Variants in RBBP8 observed in about 807,000 individuals in gnomAD.
RBBP8 encodes RB binding protein 8, endonuclease.
In RBBP8, 88 loss-of-function variants were observed where a neutral mutation model predicts 108.3. The ratio of observed to expected loss-of-function variants is 0.81; its 90% CI spans 0.68 to 0.97. The LOEUF (loss-of-function observed/expected upper bound fraction) is 0.97, where lower values mean the gene tolerates loss of function less well. Ranked by LOEUF, RBBP8 falls within the 50% of genes least tolerant of loss-of-function variation. RBBP8 has a pLI of 0.00. For missense variants in RBBP8, 1,023 were observed against 1,049.0 expected, an observed-to-expected ratio of 0.98 and a Z score of 0.34; for synonymous variants, 332 against 348.2, an observed-to-expected ratio of 0.95 and a Z score of 0.52.
At chr18:22,970,149 T>C (rs986354703) in intron 5 of RBBP8, among the ~76,000 whole-genome samples, 2 of 152,222 alleles carry the variant, frequency 1.3e-5, no homozygotes, top group Non-Finnish European at 2.9e-5. Context: ...TTTGTGTGAA[T>C]TAAATGTAGT....
At chr18:22,916,920 G>A (rs892470451) in intron 2 of RBBP8, 2 of 152,064 alleles carry the variant, frequency 1.3e-5, no homozygotes, top group Non-Finnish European at 2.9e-5. Context: ...AGTTAATATA[G>A]TATTCTTTAA....
chr18:22,973,842 T>A (rs1312042212), intron 5 of RBBP8, among the ~76,000 whole-genome samples: 1 of 152,162 alleles, frequency 6.6e-6, no homozygotes, highest in Non-Finnish European at 1.5e-5. Context: ...CTCTTTCTCC[T>A]TGGAAATTTC....
At chr18:23,015,922 T>G (rs1444989591) in intron 16 of RBBP8, among the ~76,000 whole-genome samples, 3 of 152,124 alleles carry the variant, frequency 2.0e-5, no homozygotes, top group Admixed American at 6.6e-5. Flanking sequence ...TTTTTTTGCT[T>G]TTTTTCTTTT....
At chr18:22,987,847 G>T (rs145408795) in intron 8 of RBBP8, among the ~76,000 whole-genome samples, 1 of 152,112 alleles carries the variant, frequency 6.6e-6, no homozygotes, top group Non-Finnish European at 1.5e-5. Context: ...ATCTCTGTCC[G>T]ACTTTTTTCC....
At chr18:23,000,338 T>C (rs62095232) in intron 14 of RBBP8, among the ~76,000 whole-genome samples, 26,874 of 152,156 alleles carry the variant, frequency 0.18, 3,161 homozygotes, top group African/African-American at 0.34. Context: ...GATGAATTTT[T>C]CATTTTCCGT....
At chr18:23,006,498 C>T (rs949619997) in intron 16 of RBBP8, 66 bp downstream of exon 16, 2 of 1,340,532 alleles carry the variant, frequency 1.5e-6, no homozygotes, top group African/African-American at 2.9e-5. Context: ...TTTTATTTCT[C>T]TCTCTTTTTT....
chr18:22,929,988 T>C (rs112504325), upstream of RBBP8, among the ~76,000 whole-genome samples: 25 of 152,316 alleles, frequency 1.6e-4, no homozygotes, highest in African/African-American at 6.0e-4. Flanking sequence ...TCATTTTCCC[T>C]TCACAACACT....
intron 2 of RBBP8, 34 bp downstream of exon 2, chr18:22,936,994 T>A: frequency 6.2e-7 from 1 of 1,612,182 alleles, no homozygotes; most frequent in African/African-American, 1.3e-5. Flanking sequence ...ACAGCAGTAT[T>A]TTGTTGAGAC....
At chr18:22,994,014 C>CTTTTTTTTTTTTTTTTTTTTTTT (rs777055614) in intron 12 of RBBP8, among the ~76,000 whole-genome samples, 167 bp downstream of exon 12, 1 of 75,104 alleles carries the variant, frequency 1.3e-5, no homozygotes, top group East Asian at 4.6e-4. Flanking sequence ...TTTTTCTGTT[C>CTTTTTTTTTTTTTTTTTTTTTTT]TTTTTTTTTT....
intron 14 of RBBP8, 71 bp downstream of exon 14, chr18:22,997,805 T>C (rs1804095176): frequency 9.5e-7 from 1 of 1,051,578 alleles, no homozygotes. Context: ...ACCATTGCAC[T>C]GATTAGCTCA....
At chr18:23,016,032 C>T (rs1018857569) in intron 16 of RBBP8, among the ~76,000 whole-genome samples, 3 of 152,110 alleles carry the variant, frequency 2.0e-5, no homozygotes, top group Admixed American at 1.3e-4. Flanking sequence ...GCCTCAGCCT[C>T]CTGAGTAGCT....
At chr18:22,966,708 ATACT>A (rs1170978318) in intron 4 of RBBP8, among the ~76,000 whole-genome samples, 1 of 149,016 alleles carries the variant, frequency 6.7e-6, no homozygotes, top group Non-Finnish European at 1.5e-5. Flanking sequence ...AGACACTTAA[ATACT>A]TACTATCTTT....
intron 4 of RBBP8, among the ~76,000 whole-genome samples, chr18:22,956,419 C>G (rs1175381498): frequency 6.6e-6 from 1 of 152,126 alleles, no homozygotes; most frequent in Non-Finnish European, 1.5e-5. Context: ...ATTACAGCCT[C>G]AAATTCCTTG....
intron 16 of RBBP8, among the ~76,000 whole-genome samples, chr18:23,012,269 A>G (rs1234452855): frequency 6.6e-6 from 1 of 151,702 alleles, no homozygotes; most frequent in Admixed American, 6.6e-5. Context: ...AGTGAAAGGA[A>G]GAGTTGCACA....
chr18:22,946,225 G>A, intron 2 of RBBP8: 1 of 499,700 alleles, frequency 2.0e-6, no homozygotes, highest in South Asian at 2.9e-5. Context: ...TACTTTAGAT[G>A]GGGAAAATGT....
intron 8 of RBBP8, among the ~76,000 whole-genome samples, chr18:22,987,876 A>G (rs1317145289): frequency 1.3e-5 from 2 of 152,322 alleles, no homozygotes; most frequent in South Asian, 2.1e-4. Flanking sequence ...CAACCAATGT[A>G]TCTACCTGCT....
intron 5 of RBBP8, among the ~76,000 whole-genome samples, chr18:22,969,592 C>A (rs1342622612): frequency 6.6e-6 from 1 of 151,994 alleles, no homozygotes; most frequent in African/African-American, 2.4e-5. Flanking sequence ...GTTATTCAAG[C>A]AAGAATATTG....
rs1568010293 is a variant in RBBP8 at position 23,022,645 on chromosome 18, A to ATAAAATAAAATAAAATAAAATAAATAAAG, written c.2596+377_2596+378insAAATAAAATAAAATAAAATAAATAAAGTA. Among the ~76,000 whole-genome samples the ATAAAATAAAATAAAATAAAATAAATAAAG allele has an allele frequency of 9.2e-3, 416 of 45,008 alleles. 13 individuals carry two copies. Among genetic ancestry groups the ATAAAATAAAATAAAATAAAATAAATAAAG allele is most frequent in the African/African-American group, 0.02 (356 of 17,446 alleles). The allele number at this position is 45,008 out of a possible 152,430, so 29.5% of individuals were successfully genotyped here. The stretch of plus-strand genomic sequence containing the variant: ...AATAAAATAAAATAAAATAAATAAA[A>ATAAAATAAAATAAAATAAAATAAATAAAG]TACAATATAAAATAAAATAAAATAA... On this transcript the variant is annotated intron_variant, in intron 18 of 18. Coordinates refer to ENST00000327155, the MANE Select transcript of RBBP8 (RefSeq NM_002894.3).
At chr18:22,941,189 T>C (rs1177990507) in intron 2 of RBBP8, among the ~76,000 whole-genome samples, 1 of 152,022 alleles carries the variant, frequency 6.6e-6, no homozygotes, top group Non-Finnish European at 1.5e-5. Flanking sequence ...TTTTATGTTT[T>C]GAAACAGAGT....
Sources: allele counts gnomAD v4.1 joint callset (sites outside exome capture counted in the v4.1 genomes callset), GRCh38; gene constraint gnomAD v4.1.1; transcripts MANE v1.5; gene names NCBI Gene and HGNC (gene_info 2026-07-23, HGNC 2026-07-21).